SUFU: variants seen among roughly 807,000 people sequenced by gnomAD.
SUFU encodes the protein suppressor of fused homolog.
Under a neutral mutation model 58.9 loss-of-function variants are expected in SUFU, and 7 were observed. The observed-to-expected ratio is 0.12, with a 90% CI of 0.07 to 0.22. The LOEUF (loss-of-function observed/expected upper bound fraction) is 0.22, where lower values mean the gene tolerates loss of function less well. Ranked by LOEUF, SUFU falls within the 10% of genes least tolerant of loss-of-function variation. The pLI is 1.00. For missense variants in SUFU, 451 were observed against 641.3 expected, an observed-to-expected ratio of 0.70 and a Z score of 3.20; for synonymous variants, 232 against 254.8, an observed-to-expected ratio of 0.91 and a Z score of 0.85.
intron 2 of SUFU, among the ~76,000 whole-genome samples, chr10:102,528,247 G>A (rs1393570176): frequency 6.6e-6 from 1 of 152,124 alleles, no homozygotes; most frequent in Admixed American, 6.6e-5. Flanking sequence ...GCAAGAAAGG[G>A]TCTGGTGCCC....
rs552951293 is a variant in SUFU, at chr10:102,568,149, C to T, written c.454+18043C>T. Among the ~76,000 whole-genome samples the T allele has an allele frequency of 8.4e-4, 127 of 151,112 alleles. 1 individual carries two copies. Among genetic ancestry groups the T allele is most frequent in the African/African-American group, 3.0e-3 (124 of 41,170 alleles). On this transcript the variant is annotated intron_variant, in intron 3 of 11. Transcript: ENST00000369902. ...GGACATTAAAAAAATCCAGGCAACACTGAAAACATAAAGAAACCTTGTCGC... is the reference window on the plus strand; with the variant it reads ...GGACATTAAAAAAATCCAGGCAACATTGAAAACATAAAGAAACCTTGTCGC...
At chr10:102,572,132 C>T (rs2135804782) in intron 3 of SUFU, among the ~76,000 whole-genome samples, 1 of 152,232 alleles carries the variant, frequency 6.6e-6, no homozygotes, top group South Asian at 2.1e-4. Context: ...ATGATATGAT[C>T]TTGGCTCATT....
At chr10:102,538,118 G>A (rs889095180) in intron 2 of SUFU, among the ~76,000 whole-genome samples, 5 of 152,176 alleles carry the variant, frequency 3.3e-5, no homozygotes, top group Non-Finnish European at 7.3e-5. Context: ...GCTATAGAGT[G>A]GGGTTCTGAT....
chr10:102,547,750 A>T (rs1326674345), intron 2 of SUFU, among the ~76,000 whole-genome samples: 1 of 152,006 alleles, frequency 6.6e-6, no homozygotes, highest in Non-Finnish European at 1.5e-5. Flanking sequence ...TAAGACCGGG[A>T]GGTCAAGGCT....
intron 2 of SUFU, among the ~76,000 whole-genome samples, chr10:102,536,013 G>A (rs887607475): frequency 3.9e-5 from 6 of 151,958 alleles, no homozygotes; most frequent in Non-Finnish European, 5.9e-5. Context: ...GTCTCGCTTC[G>A]GTTAGAGTGC....
chr10:102,602,222 CTAA>C (rs1235644307), intron 8 of SUFU, among the ~76,000 whole-genome samples: 2 of 152,146 alleles, frequency 1.3e-5, no homozygotes, highest in Non-Finnish European at 2.9e-5. Flanking sequence ...TACAGAGAGG[CTAA>C]TAAGTATCTT....
At chr10:102,607,301 G>A (rs906744971) in intron 8 of SUFU, among the ~76,000 whole-genome samples, 4 of 152,044 alleles carry the variant, frequency 2.6e-5, no homozygotes. Context: ...TTTCCCACCC[G>A]GCCTCCCAAA....
intron 3 of SUFU, among the ~76,000 whole-genome samples, chr10:102,585,209 G>T (rs1002753959): frequency 6.6e-6 from 1 of 152,074 alleles, no homozygotes; most frequent in Non-Finnish European, 1.5e-5. Flanking sequence ...CATAAAAAAA[G>T]AACCTCATAT....
rs1173571695 is a variant in SUFU, at chr10:102,627,316, T to TGTGCATGCATGTGTGC, written c.1365+77_1365+92dup. 3.1e-6 allele frequency: 4 copies of TGTGCATGCATGTGTGC among 1,292,902 alleles called. No homozygotes were observed. In the African/African-American group the frequency reaches 5.9e-5, roughly 19 times the overall value. 80.1% of individuals were successfully genotyped at this position (1,292,902 alleles called of 1,614,324 possible). ...ATGTGTGTGCGTGCGTGTGCACGTC[T>TGTGCATGCATGTGTGC]GTGCATGCATGTGTGCGTGTGTACC... On this transcript the variant is annotated intron_variant, in intron 11 of 11. Transcript: ENST00000369902.
intron 8 of SUFU, among the ~76,000 whole-genome samples, chr10:102,610,927 G>A (rs1235245847): frequency 1.3e-5 from 2 of 152,236 alleles, no homozygotes; most frequent in Non-Finnish European, 2.9e-5. Context: ...GGAGTGCAGT[G>A]TGAGTTGGTA....
intron 8 of SUFU, among the ~76,000 whole-genome samples, chr10:102,612,837 T>G (rs928543245): frequency 6.6e-6 from 1 of 152,138 alleles, no homozygotes; most frequent in Admixed American, 6.5e-5. Context: ...AGTTACCTCC[T>G]CTGTGAAAGA....
At chr10:102,509,343 C>G in intron 2 of SUFU, 40 bp downstream of exon 2, 2 of 1,611,256 alleles carry the variant, frequency 1.2e-6, no homozygotes, top group Non-Finnish European at 1.7e-6. Context: ...GAGCCTTATT[C>G]CTGAGGTCTT....
intron 3 of SUFU, among the ~76,000 whole-genome samples, chr10:102,580,458 C>T (rs768902251): frequency 2.0e-5 from 3 of 152,054 alleles, no homozygotes; most frequent in African/African-American, 7.2e-5. Flanking sequence ...GTGGGTCTTG[C>T]GTCATTACTC....
chr10:102,538,241 A>G (rs186907654), intron 2 of SUFU, among the ~76,000 whole-genome samples: 1 of 152,314 alleles, frequency 6.6e-6, no homozygotes, highest in Admixed American at 6.5e-5. Context: ...GTAATGTCCT[A>G]CCACATAATG....
intron 3 of SUFU, among the ~76,000 whole-genome samples, chr10:102,586,275 G>A (rs1225280622): frequency 6.6e-6 from 1 of 152,140 alleles, no homozygotes; most frequent in Non-Finnish European, 1.5e-5. Flanking sequence ...TGAGTTGTAA[G>A]AACTCTTTAT....
chr10:102,592,841 A>T (rs1313646133), intron 4 of SUFU, 117 bp downstream of exon 4: 7 of 1,194,622 alleles, frequency 5.9e-6, no homozygotes, highest in Non-Finnish European at 8.5e-6. Flanking sequence ...CCTCGTCCTG[A>T]TTTCTGTTTC....
intron 8 of SUFU, 80 bp downstream of exon 8, chr10:102,599,624 G>A (rs1387060354): frequency 8.2e-7 from 1 of 1,220,760 alleles, no homozygotes; most frequent in African/African-American, 1.5e-5. Context: ...TTGCATGAGA[G>A]AGAACAATGC....
chr10:102,564,614 T>G (rs552615315), intron 3 of SUFU, among the ~76,000 whole-genome samples: 8 of 152,352 alleles, frequency 5.3e-5, no homozygotes, highest in Admixed American at 2.6e-4. Flanking sequence ...GTTACAAGCA[T>G]GAGCCGTCGC....
At chr10:102,618,549 T>C (rs1415935626) in intron 10 of SUFU, 1 of 154,782 alleles carries the variant, frequency 6.5e-6, no homozygotes, top group Non-Finnish European at 1.4e-5. Context: ...AGCTAGTGCT[T>C]TAGGGATATT....
Sources: allele counts gnomAD v4.1 joint callset (sites outside exome capture counted in the v4.1 genomes callset), GRCh38; gene constraint gnomAD v4.1.1; transcripts MANE v1.5; gene names NCBI Gene and HGNC (gene_info 2026-07-23, HGNC 2026-07-21).